The following MAST4 variants were observed in gnomAD, a reference collection of about 807,000 sequenced individuals.
MAST4 encodes microtubule-associated serine/threonine-protein kinase 4.
In MAST4, 89 loss-of-function variants were observed where a neutral mutation model predicts 162.7. The ratio of observed to expected loss-of-function variants is 0.55; its 90% CI spans 0.46 to 0.65. MAST4 has a LOEUF of 0.65. MAST4 is among the 30% of genes least tolerant of loss of function. The pLI is 0.00. For synonymous variants in MAST4, 1,479 were observed against 1,361.1 expected, an observed-to-expected ratio of 1.09 and a Z score of -1.91; for missense variants, 3,153 against 3,374.0, an observed-to-expected ratio of 0.93 and a Z score of 1.62.
intron 4 of MAST4, among the ~76,000 whole-genome samples, chr5:66,951,598 A>ATG (rs59043309): frequency 0.04 from 4,911 of 122,308 alleles, 102 homozygotes; most frequent in East Asian, 0.073. Context: ...CTCCCATGAT[A>ATG]TGTGTGTGTG....
chr5:67,164,764 C>T lies in MAST4; in HGVS notation c.5585C>T (p.Ser1862Phe). ...ACCAGTGCAAGAGAGCTTTCTCCTTCCAGCTTAAAGATGAATAAATCCTAC... is the reference window on the plus strand; with the variant it reads ...ACCAGTGCAAGAGAGCTTTCTCCTTTCAGCTTAAAGATGAATAAATCCTAC... The part of the protein sequence containing the change: ...DTTSARELSP[S>F]SLKMNKSYLL... Residue 1862 changes from serine (S) to phenylalanine (F), a missense_variant, in exon 29 of 29, where the codon TCC becomes TTC. Physicochemically the swap from Ser to Phe is radical, Grantham distance 155. Coordinates refer to ENST00000403625, the MANE Select transcript of MAST4 (RefSeq NM_001164664.2). This position sits in a 1 kb window ranked among gnomAD's most constrained non-coding sequence, Gnocchi z 5.3. 2.5e-6 allele frequency: 4 copies of T among 1,613,994 alleles called. No homozygotes were observed. The highest frequency in any genetic ancestry group is 2.2e-5 in the East Asian group (1 of 44,882).
At chr5:66,700,800 T>TATATAC (rs1491558191) in intron 1 of MAST4, among the ~76,000 whole-genome samples, 2 of 91,138 alleles carry the variant, frequency 2.2e-5, no homozygotes, top group African/African-American at 3.8e-5. Context: ...TATATATATA[T>TATATAC]ACACACACAC....
chr5:67,073,790 A>C (rs1343290644), intron 5 of MAST4, among the ~76,000 whole-genome samples: 2 of 152,244 alleles, frequency 1.3e-5, no homozygotes, highest in Non-Finnish European at 2.9e-5. Flanking sequence ...AAAATACTTA[A>C]GGTGAGCTTC....
chr5:66,625,592 C>T (rs1335437388), intron 1 of MAST4, among the ~76,000 whole-genome samples: 1 of 152,062 alleles, frequency 6.6e-6, no homozygotes, highest in Non-Finnish European at 1.5e-5. Flanking sequence ...TAAAGGTGCT[C>T]AACATCTTTC....
intron 1 of MAST4, among the ~76,000 whole-genome samples, chr5:66,653,263 T>C (rs972292802): frequency 5.3e-5 from 8 of 152,220 alleles, no homozygotes; most frequent in African/African-American, 1.9e-4. Flanking sequence ...CCCTTTCTGC[T>C]TTTATCCCCT....
At chr5:66,753,064 C>T (rs564698159) in intron 1 of MAST4, among the ~76,000 whole-genome samples, 2,963 of 150,222 alleles carry the variant, frequency 0.02, 64 homozygotes, top group African/African-American at 0.067. Context: ...GGGTACATAA[C>T]GAAATGAAGG....
At chr5:66,831,293 T>G (rs181762308) in intron 3 of MAST4, among the ~76,000 whole-genome samples, 112 of 152,328 alleles carry the variant, frequency 7.4e-4, no homozygotes, top group African/African-American at 2.6e-3. Context: ...ACAGGGATCA[T>G]TATGACAGGC....
chr5:66,889,315 T>TA (rs1475940931), intron 3 of MAST4, among the ~76,000 whole-genome samples: 2 of 152,152 alleles, frequency 1.3e-5, no homozygotes, highest in Non-Finnish European at 2.9e-5. Context: ...GCAGGGCTGA[T>TA]ACGCATATTT....
intron 1 of MAST4, among the ~76,000 whole-genome samples, chr5:66,640,112 C>T (rs1300258759): frequency 6.6e-6 from 1 of 152,090 alleles, no homozygotes; most frequent in Non-Finnish European, 1.5e-5. Flanking sequence ...ATTCTGCTTC[C>T]TTTTTCTATG....
rs1554034782 is a variant in MAST4 at position 67,169,002 on chromosome 5, AATATAT to A, written c.*1959_*1964del. Reference sequence around the variant, plus strand: ...CATCACTATATTGTGAAGCTGTAAAAATATATATATATACTTTACAAGAGTTTACTA... The same window carrying A: ...CATCACTATATTGTGAAGCTGTAAAAATATATACTTTACAAGAGTTTACTA... On this transcript the variant is annotated 3_prime_UTR_variant, in exon 29 of 29. Transcript: ENST00000403625. 1 of 151,826 alleles carries A rather than the reference AATATAT, an allele frequency of 6.6e-6. No individual in the cohort carries two copies. The highest frequency in any genetic ancestry group is 1.5e-5 in the Non-Finnish European group (1 of 67,934). 9.4% of individuals were successfully genotyped at this position (151,826 alleles called of 1,614,324 possible). A position where few individuals can be genotyped will look rare whatever the true frequency, so the allele number is the denominator to read the frequency against.
At chr5:67,101,370 G>A (rs1052253847) in intron 8 of MAST4, among the ~76,000 whole-genome samples, 1 of 152,170 alleles carries the variant, frequency 6.6e-6, no homozygotes, top group African/African-American at 2.4e-5. Flanking sequence ...CTCACTGGAT[G>A]TGGCACCCTG....
Position 67,164,020 on chromosome 5 carries a change from G to A in MAST4, c.4841G>A (p.Arg1614His). 6.3e-7 allele frequency: 1 copy of A among 1,589,218 alleles called. No homozygotes were observed. Among genetic ancestry groups the A allele is most frequent in the Non-Finnish European group, 8.6e-7 (1 of 1,167,550 alleles). Reference sequence around the variant, plus strand: ...GCTCTTCACAAGCAGGCCAGCGTGCGCGCCAGCGAGGGTGCGATGTCGGAT... The same window carrying A: ...GCTCTTCACAAGCAGGCCAGCGTGCACGCCAGCGAGGGTGCGATGTCGGAT... ...KDALHKQASV[R>H]ASEGAMSDGR... Residue 1614 changes from arginine to histidine, a missense_variant, in exon 29 of 29, where the codon CGC becomes CAC. By Grantham distance (29) the Arg-to-His change is conservative. This residue lies in a region of MAST4 where 1,644 missense variants were observed against 1,495.0 expected (regional missense o/e 1.10). Coordinates refer to ENST00000403625, the MANE Select transcript of MAST4 (RefSeq NM_001164664.2). This position sits in a 1 kb window ranked among gnomAD's most constrained non-coding sequence, Gnocchi z 5.3.
intron 4 of MAST4, among the ~76,000 whole-genome samples, chr5:66,966,297 G>C (rs961724123): frequency 6.6e-6 from 1 of 152,098 alleles, no homozygotes; most frequent in African/African-American, 2.4e-5. Context: ...TATTTCCCCA[G>C]TGCCTCACTC....
chr5:67,002,602 T>G (rs565127808), intron 4 of MAST4, among the ~76,000 whole-genome samples: 1 of 152,308 alleles, frequency 6.6e-6, no homozygotes, highest in South Asian at 2.1e-4. Flanking sequence ...GTCAGCATAG[T>G]ATTCTCTTAG....
Position 66,596,542 on chromosome 5 carries a change from C to G in MAST4, c.-114C>G. 1.6e-6 allele frequency: 2 copies of G among 1,224,300 alleles called. No individual in the cohort carries two copies. The highest frequency in any genetic ancestry group is 2.1e-6 in the Non-Finnish European group (2 of 967,922). The allele number at this position is 1,224,300 out of a possible 1,614,324, so 75.8% of individuals were successfully genotyped here. Reference sequence around the variant, plus strand: ...AGTCGCTGGCGGGGCTCCCTGCAGCCCGGGAGCGGCAGTGCCAGTGAGCCT... The same window carrying G: ...AGTCGCTGGCGGGGCTCCCTGCAGCGCGGGAGCGGCAGTGCCAGTGAGCCT... On this transcript the variant is annotated 5_prime_UTR_variant, in exon 1 of 29. Coordinates refer to ENST00000403625, the MANE Select transcript of MAST4 (RefSeq NM_001164664.2).
chr5:66,654,540 G>T (rs1017849361), intron 1 of MAST4, among the ~76,000 whole-genome samples: 3 of 152,300 alleles, frequency 2.0e-5, no homozygotes, highest in Non-Finnish European at 4.4e-5. Flanking sequence ...GAAATGTTCA[G>T]GTGCACAGAG....
chr5:67,044,754 C>A (rs1487791295), intron 4 of MAST4, among the ~76,000 whole-genome samples: 1 of 152,188 alleles, frequency 6.6e-6, no homozygotes, highest in Non-Finnish European at 1.5e-5. Flanking sequence ...CTTAACGAGC[C>A]TTCCTGCCTT....
chr5:67,000,318 A>T (rs981524839), intron 4 of MAST4, among the ~76,000 whole-genome samples: 3 of 152,230 alleles, frequency 2.0e-5, no homozygotes, highest in African/African-American at 7.2e-5. Context: ...AGTGTCCTGC[A>T]CAGGGAGCTG....
At position 66,991,754 on chromosome 5, in the gene MAST4, T is replaced by G. The variant is rs972132192; in HGVS notation, c.675-62650T>G. Among the ~76,000 whole-genome samples, 4 of 152,236 alleles carry G rather than the reference T, an allele frequency of 2.6e-5. No individual in the cohort carries two copies. In the East Asian group the frequency reaches 7.7e-4, roughly 29 times the overall value. ...GGGGAGAGAAAGGACTCTGGCAGTA[T>G]CTGATGCCACTCTAGATGTTAAATG... is the stretch of plus-strand genomic sequence containing the variant. On this transcript the variant is annotated intron_variant, in intron 4 of 28. Coordinates refer to ENST00000403625, the MANE Select transcript of MAST4 (RefSeq NM_001164664.2).
Sources: gnomAD v4.1 joint callset for allele counts (sites outside exome capture counted in the v4.1 genomes callset) on GRCh38, gnomAD v4.1.1 for gene constraint, gnomAD v4.1.1 regional missense constraint, Gnocchi (gnomAD v3.1) non-coding constraint, MANE v1.5 for transcripts, NCBI Gene and HGNC (gene_info 2026-07-23, HGNC 2026-07-21) for gene names.